The following SLC9A3 variants were observed in gnomAD, a reference collection of about 807,000 sequenced individuals.
The protein encoded by SLC9A3 is solute carrier family 9 member A3.
SLC9A3 carries 37 observed loss-of-function variants against 86.8 expected under a neutral mutation model. The observed-to-expected ratio is 0.43, with a 90% CI of 0.33 to 0.56. The LOEUF (loss-of-function observed/expected upper bound fraction) is 0.56, where lower values mean the gene tolerates loss of function less well. Ranked by LOEUF, SLC9A3 falls within the 20% of genes least tolerant of loss-of-function variation. SLC9A3 has a pLI of 0.06. For missense variants in SLC9A3, 1,011 were observed against 1,171.9 expected (o/e 0.86, Z 2.00); for synonymous variants, 581 against 528.3 (o/e 1.10, Z -1.37).
At position 475,612 on chromosome 5, in the gene SLC9A3, T is replaced by TC; in HGVS notation, c.2199dup (p.Ile734AspfsTer6). The TC allele has an allele frequency of 6.4e-7, 1 of 1,552,526 alleles. No homozygotes were observed. The highest frequency in any genetic ancestry group is 8.7e-7 in the Non-Finnish European group (1 of 1,147,258). ...TTGGTGACACTAGCCAGGAACTCGA[T>TC]CCCCCCACTCATCTCCTCATCATAG... On this transcript the variant is annotated frameshift_variant, in exon 15 of 17. Coordinates refer to ENST00000264938, the MANE Select transcript of SLC9A3 (RefSeq NM_004174.4). LOFTEE classifies it high-confidence loss of function.
intron 1 of SLC9A3, 66 bp downstream of exon 1, chr5:524,046 C>T (rs1733961991): frequency 4.5e-6 from 5 of 1,114,132 alleles, no homozygotes; most frequent in Non-Finnish European, 4.9e-6. Context: ...CACAACGAAG[C>T]CCCCAGGCCC....
In SLC9A3 at chr5:491,593, G is replaced by A. The variant is rs889476534; in HGVS notation, c.514+176C>T. Among the ~76,000 whole-genome samples the A allele has an allele frequency of 6.6e-6, 1 of 152,100 alleles. No homozygotes were observed. Among genetic ancestry groups the A allele is most frequent in the African/African-American group, 2.4e-5 (1 of 41,398 alleles). ...AGAACACGTGCTGGGACCTGGGGAC[G>A]CGCAGGGGACTGGCCTTGGTCACGA... On this transcript the variant is annotated intron_variant, in intron 2 of 16. Coordinates refer to ENST00000264938, the MANE Select transcript of SLC9A3 (RefSeq NM_004174.4). The surrounding 1 kb of genome is among the most constrained non-coding windows in gnomAD (Gnocchi z 9.2).
chr5:503,140 G>A (rs889254510), intron 1 of SLC9A3, among the ~76,000 whole-genome samples: 111 of 152,328 alleles, frequency 7.3e-4, no homozygotes, highest in African/African-American at 2.5e-3. Flanking sequence ...ATAGACTTAC[G>A]AGCAGACAGA....
At chr5:506,961 C>T (rs1740609461) in intron 1 of SLC9A3, among the ~76,000 whole-genome samples, 1 of 149,880 alleles carries the variant, frequency 6.7e-6, no homozygotes, top group Admixed American at 6.7e-5. Context: ...GTCCCAGCTA[C>T]TCGGGAGGCT....
At chr5:515,382 T>A (rs1209160358) in intron 1 of SLC9A3, among the ~76,000 whole-genome samples, 1 of 151,984 alleles carries the variant, frequency 6.6e-6, no homozygotes, top group Non-Finnish European at 1.5e-5. Context: ...GCTGCTCTCC[T>A]GACTCCACCT....
In SLC9A3 at chr5:475,278, C is replaced by T; in HGVS notation, c.2252-146G>A. 5.0e-6 allele frequency: 4 copies of T among 799,096 alleles called. No homozygotes were observed. The South Asian group carries it at 5.3e-5, about 11-fold the overall frequency. The allele number at this position is 799,096 out of a possible 1,614,324, so 49.5% of individuals were successfully genotyped here. A position where few individuals can be genotyped will look rare whatever the true frequency, so the allele number is the denominator to read the frequency against. The stretch of plus-strand genomic sequence containing the variant: ...TCACGTGCCTTTCAGGTTGCGGGCC[C>T]TTCCCCCACATCCATGACCCCACAC... On this transcript the variant is annotated intron_variant, in intron 15 of 16. Transcript: ENST00000264938.
At chr5:495,209 G>T (rs1739968182) in intron 1 of SLC9A3, among the ~76,000 whole-genome samples, 1 of 152,130 alleles carries the variant, frequency 6.6e-6, no homozygotes, top group Non-Finnish European at 1.5e-5. Flanking sequence ...TTTGTTGAGG[G>T]TTAGGGTCTT....
chr5:486,296 G>T (rs1268059849), intron 3 of SLC9A3, among the ~76,000 whole-genome samples: 3 of 152,324 alleles, frequency 2.0e-5, no homozygotes, highest in South Asian at 4.1e-4. Flanking sequence ...CCGGGCCCAG[G>T]GCTGGCCTCA....
At chr5:504,372 G>T (rs530983324) in intron 1 of SLC9A3, among the ~76,000 whole-genome samples, 2 of 152,338 alleles carry the variant, frequency 1.3e-5, no homozygotes, top group South Asian at 4.1e-4. Context: ...TAGCCCCCCG[G>T]GGCTGCAGCC....
intron 11 of SLC9A3, chr5:477,070 CTGCGGG>C: frequency 2.0e-6 from 1 of 506,858 alleles, no homozygotes; most frequent in South Asian, 2.8e-5. Context: ...GGACAGGCTG[CTGCGGG>C]CCAGGGGCAA....
chr5:509,893 G>T (rs1186676743), intron 1 of SLC9A3, among the ~76,000 whole-genome samples: 1 of 152,260 alleles, frequency 6.6e-6, no homozygotes, highest in African/African-American at 2.4e-5. Context: ...CAAGGCAAAG[G>T]CATCTCAGAG....
intron 1 of SLC9A3, among the ~76,000 whole-genome samples, chr5:502,788 C>G (rs939197797): frequency 2.2e-5 from 3 of 137,900 alleles, no homozygotes; most frequent in African/African-American, 7.4e-5. Flanking sequence ...CCACTCACTA[C>G]CAGTGAGGCC....
Position 472,393 on chromosome 5 carries a change from G to A in SLC9A3, c.*986C>T. 3.0e-6 allele frequency: 1 copy of A among 336,148 alleles called. No homozygotes were observed. Among genetic ancestry groups the A allele is most frequent in the Non-Finnish European group, 5.8e-6 (1 of 171,898 alleles). The allele number at this position is 336,148 out of a possible 1,614,324, so 20.8% of individuals were successfully genotyped here. On this transcript the variant is annotated 3_prime_UTR_variant, in exon 17 of 17. Coordinates refer to ENST00000264938, the MANE Select transcript of SLC9A3 (RefSeq NM_004174.4). ...CCCCTGGTTTGTTAAGGGGGACAGA[G>A]CAGCTGCTGGGCCCCACCATCCACT...
At chr5:523,395 C>A (rs1250414028) in intron 1 of SLC9A3, among the ~76,000 whole-genome samples, 1 of 152,056 alleles carries the variant, frequency 6.6e-6, no homozygotes, top group Non-Finnish European at 1.5e-5. Flanking sequence ...CACTCGGGCC[C>A]CCTAATCCCC....
chr5:489,329 G>T (rs1056833473), intron 2 of SLC9A3, among the ~76,000 whole-genome samples: 5 of 152,200 alleles, frequency 3.3e-5, no homozygotes, highest in Admixed American at 3.3e-4. Flanking sequence ...CCAGGGAGGG[G>T]GAGGCCCCCG....
chr5:494,149 C>T (rs1739917077), intron 1 of SLC9A3, among the ~76,000 whole-genome samples: 1 of 152,244 alleles, frequency 6.6e-6, no homozygotes. Flanking sequence ...AGAAGGTGCT[C>T]CCCAGCTGGG....
intron 2 of SLC9A3, among the ~76,000 whole-genome samples, chr5:489,260 G>A (rs1333056216): frequency 1.3e-5 from 2 of 152,116 alleles, no homozygotes; most frequent in Admixed American, 6.5e-5. Flanking sequence ...CTGCCTTCCC[G>A]GCCGTGAGGG....
At chr5:479,494 GGCAGGC>G in intron 10 of SLC9A3, 2 of 268,480 alleles carry the variant, frequency 7.4e-6, no homozygotes, top group South Asian at 3.8e-5. Context: ...CGTGTGCTGG[GGCAGGC>G]AGGGCTGTAT....
In SLC9A3 at chr5:497,027, C is replaced by T. The variant is rs1368873242; in HGVS notation, c.212-4956G>A. Among the ~76,000 whole-genome samples, 1 of 152,182 alleles carries T rather than the reference C, an allele frequency of 6.6e-6. No individual in the cohort carries two copies. Among genetic ancestry groups the T allele is most frequent in the East Asian group, 1.9e-4 (1 of 5,208 alleles). ...CCAAGATCACACCACTACATTCCAG[C>T]CTGGGCGACGGAGGCCTTGTCTCAA... is the stretch of plus-strand genomic sequence containing the variant. On this transcript the variant is annotated intron_variant, in intron 1 of 16. Transcript: ENST00000264938. This position sits in a 1 kb window ranked among gnomAD's most constrained non-coding sequence, Gnocchi z 5.4.
Sources: gnomAD v4.1 joint callset for allele counts (sites outside exome capture counted in the v4.1 genomes callset) on GRCh38, gnomAD v4.1.1 for gene constraint, Gnocchi (gnomAD v3.1) non-coding constraint, MANE v1.5 for transcripts, NCBI Gene and HGNC (gene_info 2026-07-23, HGNC 2026-07-21) for gene names.